Variants in SLC34A1 observed in about 807,000 individuals in gnomAD.
The protein encoded by SLC34A1 is solute carrier family 34 member 1, also known as sodium-dependent phosphate transport protein 2A.
A neutral mutation model predicts 51.4 loss-of-function variants in SLC34A1; 57 were observed. That is an observed-to-expected ratio of 1.11 (90% CI 0.90 to 1.38). The LOEUF (loss-of-function observed/expected upper bound fraction) is 1.38. Among genes scored for constraint, SLC34A1 ranks in the 40% most tolerant of loss-of-function variants. The pLI, the probability that SLC34A1 is intolerant of heterozygous loss-of-function variation, is 0.00. For synonymous variants in SLC34A1, 368 were observed against 358.0 expected (o/e 1.03, Z -0.32); for missense variants, 796 against 835.6 (o/e 0.95, Z 0.58).
chr5:177,390,325 G>A (rs1025789768), intron 8 of SLC34A1: 5 of 987,098 alleles, frequency 5.1e-6, no homozygotes, highest in Non-Finnish European at 2.4e-6. Context: ...CTTCTTATGT[G>A]GCCACACTGT....
intron 8 of SLC34A1, among the ~76,000 whole-genome samples, chr5:177,389,325 G>A (rs887828375): frequency 3.9e-4 from 59 of 150,808 alleles, no homozygotes; most frequent in African/African-American, 1.4e-3. Flanking sequence ...CCAAGCCACA[G>A]CACAGCACAG....
intron 12 of SLC34A1, 126 bp downstream of exon 12, chr5:177,397,200 A>C: frequency 8.9e-5 from 114 of 1,286,194 alleles, no homozygotes; most frequent in Middle Eastern, 2.6e-4. Flanking sequence ...TAATATGCTC[A>C]ATGAAACCAT....
At position 177,386,229 on chromosome 5, in the gene SLC34A1, C is replaced by T. The variant is rs769539034; in HGVS notation, c.268C>T (p.Leu90=). The part of the protein sequence containing the change: ...LEEEQKPESR[L]VPKLRQAGAM... Reference sequence around the variant, plus strand: ...TGGCTTCCCCCATCCAGAGTCCAGGCTGGTCCCCAAGCTGCGCCAGGCTGG... The same window carrying T: ...TGGCTTCCCCCATCCAGAGTCCAGGTTGGTCCCCAAGCTGCGCCAGGCTGG... The change falls in exon 4 of 13, where the codon CTG becomes TTG. Residue 90 remains leucine, a synonymous_variant. Coordinates refer to ENST00000324417, the MANE Select transcript of SLC34A1 (RefSeq NM_003052.5). This position sits in a 1 kb window ranked among gnomAD's most constrained non-coding sequence, Gnocchi z 4.8. The T allele has an allele frequency of 1.7e-5, 28 of 1,614,180 alleles. No homozygotes were observed. In the South Asian group the frequency reaches 2.9e-4, roughly 16 times the overall value.
Position 177,387,515 on chromosome 5 carries a change from G to A in SLC34A1, c.533-247G>A, listed in dbSNP as rs544098374. Reference sequence around the variant, plus strand: ...AGCCCTCATAACGAAGGCCTCACACGCACACACGTTCACATCCATACACCA... The same window carrying A: ...AGCCCTCATAACGAAGGCCTCACACACACACACGTTCACATCCATACACCA... On this transcript the variant is annotated intron_variant, in intron 5 of 12. Transcript: ENST00000324417. Among the ~76,000 whole-genome samples, 7 of 152,304 alleles carry A rather than the reference G, an allele frequency of 4.6e-5. No individual in the cohort carries two copies. The South Asian group carries it at 1.0e-3, about 23-fold the overall frequency.
chr5:177,397,086 G>A lies in SLC34A1; in HGVS notation c.1416+12G>A, dbSNP rs200103904. On this transcript the variant is annotated intron_variant, in intron 12 of 12. Transcript: ENST00000324417. The stretch of plus-strand genomic sequence containing the variant: ...CCAGCGCTTTCCAGGTGCGCTGGGA[G>A]TGTAGCCTCGCCTGGGGCAGGATGG... 6 of 1,611,564 alleles carry A rather than the reference G, an allele frequency of 3.7e-6. No homozygotes were observed. In the East Asian group the frequency reaches 6.7e-5, roughly 18 times the overall value.
In SLC34A1 at chr5:177,386,087, C is replaced by T. The variant is rs1283718932; in HGVS notation, c.210C>T (p.Arg70=). ...GCCCCTGTGGGGAGGTCCTGGAGCG[C>T]CATGAACCACTGCCTGCCAAGCTGG... The part of the protein sequence containing the change: ...HTCPCGEVLE[R]HEPLPAKLAL... Residue 70 remains arginine (R), a synonymous_variant, in exon 3 of 13, where the codon CGC becomes CGT. Coordinates refer to ENST00000324417, the MANE Select transcript of SLC34A1 (RefSeq NM_003052.5). The surrounding 1 kb of genome is among the most constrained non-coding windows in gnomAD (Gnocchi z 4.8). 2.5e-6 allele frequency: 4 copies of T among 1,613,008 alleles called. No homozygotes were observed. The highest frequency in any genetic ancestry group is 3.4e-6 in the Non-Finnish European group (4 of 1,179,514).
Position 177,394,115 on chromosome 5 carries a change from G to A in SLC34A1, c.1094G>A (p.Cys365Tyr). Reference protein sequence around the residue: ...LAGSLVLLCTCLILLVKMLNS... With the variant: ...LAGSLVLLCTYLILLVKMLNS... ...GGATCCCTGGTGCTGCTGTGCACCT[G>A]CCTCATCCTCCTAGTCAAGATGCTC... The change falls in exon 10 of 13, where the codon TGC becomes TAC. Residue 365 changes from cysteine to tyrosine, a missense_variant. By Grantham distance (194) the Cys-to-Tyr change is radical. Coordinates refer to ENST00000324417, the MANE Select transcript of SLC34A1 (RefSeq NM_003052.5). 1 of 1,614,076 alleles carries A rather than the reference G, an allele frequency of 6.2e-7. No homozygotes were observed.
In SLC34A1 at chr5:177,385,817, G is replaced by A. The variant is rs1762540670; in HGVS notation, c.76G>A (p.Gly26Arg). ...LPVRGGHVMR[G>R]TAFAYVPSPQ... ...AGTCCGTGGGGGGCATGTGATGCGA[G>A]GGACGGCCTTTGCCTACGTGCCCAG... The change falls in exon 2 of 13, where the codon GGG becomes AGG. Residue 26 changes from glycine (G) to arginine (R), a missense_variant. By Grantham distance (125) the Gly-to-Arg change is moderately radical (BLOSUM62 -2). Coordinates refer to ENST00000324417, the MANE Select transcript of SLC34A1 (RefSeq NM_003052.5). 1 of 1,613,394 alleles carries A rather than the reference G, an allele frequency of 6.2e-7. No homozygotes were observed. Among genetic ancestry groups the A allele is most frequent in the Non-Finnish European group, 8.5e-7 (1 of 1,179,904 alleles).
intron 8 of SLC34A1, among the ~76,000 whole-genome samples, chr5:177,393,139 T>C (rs540768736): frequency 1.3e-5 from 2 of 152,268 alleles, no homozygotes; most frequent in South Asian, 4.2e-4. Context: ...TTCTGAATTG[T>C]AGGGCCTCCC....
chr5:177,393,695 C>G lies in SLC34A1; in HGVS notation c.938C>G (p.Ala313Gly). The change falls in exon 9 of 13, where the codon GCT (alanine) becomes GGT (glycine). Residue 313 changes from alanine (A) to glycine (G), a missense_variant and splice_region_variant. Coordinates refer to ENST00000324417, the MANE Select transcript of SLC34A1 (RefSeq NM_003052.5). ...QIWCHPDSLQAPTSMSRAEAN... is the reference protein window; with the variant it reads ...QIWCHPDSLQGPTSMSRAEAN... ...TAAGTCACCCTCCTCCTGATCTAGG[C>G]TCCCACCTCCATGTCCAGAGCAGAG... 6.2e-7 allele frequency: 1 copy of G among 1,614,168 alleles called. No homozygotes were observed. The highest frequency in any genetic ancestry group is 1.3e-5 in the African/African-American group (1 of 75,058).
At position 177,390,853 on chromosome 5, in the gene SLC34A1, T is replaced by C. The variant is rs369064467; in HGVS notation, c.936+2481T>C. Reference sequence around the variant, plus strand: ...GCCTCTTTAATTTAGGGTGTCCCTATAGGCACTTAAATCCCAACTCCCTCT... The same window carrying C: ...GCCTCTTTAATTTAGGGTGTCCCTACAGGCACTTAAATCCCAACTCCCTCT... On this transcript the variant is annotated intron_variant, in intron 8 of 12. Transcript: ENST00000324417. Among the ~76,000 whole-genome samples, 18 of 152,252 alleles carry C rather than the reference T, an allele frequency of 1.2e-4. No homozygotes were observed. In the East Asian group the frequency reaches 3.5e-3, roughly 29 times the overall value.
At chr5:177,390,234 G>C in intron 8 of SLC34A1, 1 of 991,346 alleles carries the variant, frequency 1.0e-6, no homozygotes, top group Non-Finnish European at 1.2e-6. Context: ...AGGCCTACCA[G>C]ATGGGGAAAG....
intron 8 of SLC34A1, among the ~76,000 whole-genome samples, chr5:177,390,763 C>G (rs1280083787): frequency 6.6e-6 from 1 of 152,090 alleles, no homozygotes. Context: ...GGGGAAACTG[C>G]TGCGCTGGCC....
rs1561634584 is a variant in SLC34A1, at chr5:177,396,506, C to CTCTGACCCCAGCCTGCT, written c.1175-227_1175-226insTCTGACCCCAGCCTGCT. On this transcript the variant is annotated intron_variant, in intron 10 of 12. Transcript: ENST00000324417. This position sits in a 1 kb window ranked among gnomAD's most constrained non-coding sequence, Gnocchi z 4.0. ...GAGGTCCTCTCTCCCAGTGCCCCCG[C>CTCTGACCCCAGCCTGCT]GGAGGTCCTCTCTCCCAGTGCCCCC... Among the ~76,000 whole-genome samples the CTCTGACCCCAGCCTGCT allele has an allele frequency of 8.0e-6, 1 of 125,306 alleles. No homozygotes were observed. The allele number at this position is 125,306 out of a possible 152,430, so 82.2% of individuals were successfully genotyped here.
At chr5:177,393,438 G>C (rs916779344) in intron 8 of SLC34A1, among the ~76,000 whole-genome samples, 7 of 152,126 alleles carry the variant, frequency 4.6e-5, no homozygotes, top group African/African-American at 1.7e-4. Flanking sequence ...GGAAGCCACT[G>C]GATGTGGCCC....
chr5:177,397,432 A>G (rs1045971035), intron 12 of SLC34A1: 2 of 494,182 alleles, frequency 4.0e-6, no homozygotes, highest in African/African-American at 3.9e-5. Context: ...GCAAAGGAGT[A>G]ACTGACAAGC....
intron 8 of SLC34A1, among the ~76,000 whole-genome samples, chr5:177,391,801 T>C (rs1762812648): frequency 1.3e-5 from 2 of 152,216 alleles, no homozygotes; most frequent in South Asian, 2.1e-4. Context: ...ACATTCCCCC[T>C]GTAACCTTTA....
Position 177,387,888 on chromosome 5 carries a change from G to C in SLC34A1, c.644+15G>C. On this transcript the variant is annotated intron_variant, in intron 6 of 12. Transcript: ENST00000324417. ...GACTTCCGGCGGTGAGGGGGGCTGG[G>C]GGTTGGGGGCTCGTGCCTGGGGGAG... The C allele has an allele frequency of 6.2e-7, 1 of 1,607,196 alleles. No individual in the cohort carries two copies. The highest frequency in any genetic ancestry group is 8.5e-7 in the Non-Finnish European group (1 of 1,176,242).
intron 8 of SLC34A1, chr5:177,389,978 C>T: frequency 7.2e-7 from 1 of 1,382,614 alleles, no homozygotes; most frequent in South Asian, 1.6e-5. Flanking sequence ...GGGACCCAAG[C>T]TCTCACTTTC....
Sources: allele counts gnomAD v4.1 joint callset (sites outside exome capture counted in the v4.1 genomes callset), GRCh38; gene constraint gnomAD v4.1.1; non-coding constraint Gnocchi (gnomAD v3.1); transcripts MANE v1.5; gene names NCBI Gene and HGNC (gene_info 2026-07-23, HGNC 2026-07-21).